The following FOXN2 variants were observed in gnomAD, a reference collection of about 807,000 sequenced individuals.
FOXN2 encodes forkhead box protein N2.
In FOXN2, 19 loss-of-function variants were observed where a neutral mutation model predicts 41.2. The observed-to-expected ratio is 0.46, with a 90% CI of 0.32 to 0.68. The LOEUF is 0.68. Ranked by LOEUF, FOXN2 falls within the 30% of genes least tolerant of loss-of-function variation. FOXN2 has a pLI of 0.03. For synonymous variants in FOXN2, 195 were observed against 176.8 expected (o/e 1.10, Z -0.82); for missense variants, 587 against 509.4 (o/e 1.15, Z -1.47).
chr2:48,331,605 C>T (rs1414676170), intron 2 of FOXN2, among the ~76,000 whole-genome samples: 1 of 152,018 alleles, frequency 6.6e-6, no homozygotes, highest in African/African-American at 2.4e-5. Flanking sequence ...ATCACTTGAG[C>T]CCAGGAGTTT....
intron 2 of FOXN2, among the ~76,000 whole-genome samples, chr2:48,344,539 A>G (rs899338458): frequency 1.3e-5 from 2 of 152,230 alleles, no homozygotes; most frequent in Admixed American, 1.3e-4. Flanking sequence ...ATAAAGTTGA[A>G]TTAATAATAG....
intron 1 of FOXN2, among the ~76,000 whole-genome samples, chr2:48,315,056 TG>T: frequency 6.6e-6 from 1 of 151,750 alleles, no homozygotes; most frequent in South Asian, 2.1e-4. Context: ...GAGGGGAGTG[TG>T]GCTTGTGAGG....
intron 2 of FOXN2, among the ~76,000 whole-genome samples, chr2:48,333,514 AG>A (rs1670143264): frequency 6.6e-6 from 1 of 152,160 alleles, no homozygotes. Context: ...GACAAAAAAG[AG>A]ACTTACAAGT....
In FOXN2 at chr2:48,336,216, C is replaced by T. The variant is rs543859330; in HGVS notation, c.-15+7514C>T. 6.3e-3 allele frequency among the ~76,000 whole-genome samples: 947 copies of T among 151,348 alleles called. 6 individuals are homozygous for T. Among genetic ancestry groups the T allele is most frequent in the Non-Finnish European group, 0.011 (714 of 67,902 alleles). On this transcript the variant is annotated intron_variant, in intron 2 of 6. Coordinates refer to ENST00000340553, the MANE Select transcript of FOXN2 (RefSeq NM_002158.4). The stretch of plus-strand genomic sequence containing the variant: ...GTCAGGAGTTCAAGACCAGCCTGGC[C>T]AACATGGTGAAACCCAGTGTCTACC...
intron 1 of FOXN2, among the ~76,000 whole-genome samples, 194 bp downstream of exon 1, chr2:48,315,008 G>A (rs1419608136): frequency 6.6e-6 from 1 of 152,132 alleles, no homozygotes; most frequent in African/African-American, 2.4e-5. Flanking sequence ...CCCGGCGCGC[G>A]TATCGGGTGG....
intron 3 of FOXN2, among the ~76,000 whole-genome samples, chr2:48,357,862 G>GAAAAAA (rs200738115): frequency 8.8e-6 from 1 of 113,702 alleles, no homozygotes; most frequent in South Asian, 2.8e-4. Flanking sequence ...GTCTTTTATT[G>GAAAAAA]AAAAAAAAAA....
At chr2:48,350,531 CTTTG>C (rs1001431678) in intron 3 of FOXN2, among the ~76,000 whole-genome samples, 26 of 152,270 alleles carry the variant, frequency 1.7e-4, no homozygotes, top group African/African-American at 6.0e-4. Context: ...ACAGCTTTTG[CTTTG>C]TTTTAGAGAA....
At chr2:48,360,037 G>GTTTTTAT (rs966048688) in intron 4 of FOXN2, among the ~76,000 whole-genome samples, 5 of 151,740 alleles carry the variant, frequency 3.3e-5, no homozygotes, top group African/African-American at 1.2e-4. Flanking sequence ...TTTGAACTTT[G>GTTTTTAT]TTTTTATTTT....
At chr2:48,322,319 C>G (rs957193165) in intron 1 of FOXN2, among the ~76,000 whole-genome samples, 4 of 151,732 alleles carry the variant, frequency 2.6e-5, no homozygotes, top group Non-Finnish European at 5.9e-5. Context: ...TAAAGTGAAA[C>G]AAATGCAGAA....
At chr2:48,329,540 C>T (rs1356504193) in intron 2 of FOXN2, among the ~76,000 whole-genome samples, 1 of 152,076 alleles carries the variant, frequency 6.6e-6, no homozygotes, top group Non-Finnish European at 1.5e-5. Context: ...TGCAGCTGCA[C>T]ACATTTTTTG....
intron 1 of FOXN2, among the ~76,000 whole-genome samples, chr2:48,326,298 A>G (rs1669669822): frequency 6.6e-6 from 1 of 152,190 alleles, no homozygotes; most frequent in Non-Finnish European, 1.5e-5. Context: ...GATATCCGAA[A>G]TGGAGAGAAC....
Position 48,378,970 on chromosome 2 carries a change from T to C in FOXN2, c.*3527T>C, listed in dbSNP as rs569460842. The C allele has an allele frequency of 6.5e-6, 1 of 152,748 alleles. No individual in the cohort carries two copies. Among genetic ancestry groups the C allele is most frequent in the South Asian group, 2.1e-4 (1 of 4,830 alleles). 9.5% of individuals were successfully genotyped at this position (152,748 alleles called of 1,614,324 possible). Reference sequence around the variant, plus strand: ...GTGTATAAAAATGTATAATTGCCAATTGATTGTAACTATTATTTATTTTTA... The same window carrying C: ...GTGTATAAAAATGTATAATTGCCAACTGATTGTAACTATTATTTATTTTTA... On this transcript the variant is annotated 3_prime_UTR_variant, in exon 7 of 7. Transcript: ENST00000340553.
At chr2:48,372,041 C>G in intron 5 of FOXN2, among the ~76,000 whole-genome samples, 1 of 152,156 alleles carries the variant, frequency 6.6e-6, no homozygotes, top group Admixed American at 6.6e-5. Flanking sequence ...TACCTAATTG[C>G]TCTGGCTAGG....
At chr2:48,347,287 C>T (rs1165568976) in intron 3 of FOXN2, among the ~76,000 whole-genome samples, 5 of 132,998 alleles carry the variant, frequency 3.8e-5, no homozygotes, top group Non-Finnish European at 4.6e-5. Context: ...AGTACAGTGG[C>T]GCGATCTCTG....
chr2:48,332,356 G>T (rs1048213460), intron 2 of FOXN2, among the ~76,000 whole-genome samples: 1 of 152,126 alleles, frequency 6.6e-6, no homozygotes, highest in Non-Finnish European at 1.5e-5. Context: ...AGTACTTTTG[G>T]ATTAAACTAC....
At chr2:48,374,870 T>A in intron 6 of FOXN2, 50 bp from the exon 7 acceptor site, 2 of 1,516,796 alleles carry the variant, frequency 1.3e-6, no homozygotes, top group Non-Finnish European at 1.8e-6. Flanking sequence ...TTGGTCTGTT[T>A]TTGCAACCAA....
At chr2:48,338,465 G>A (rs1209136996) in intron 2 of FOXN2, among the ~76,000 whole-genome samples, 5 of 151,604 alleles carry the variant, frequency 3.3e-5, no homozygotes, top group African/African-American at 1.2e-4. Flanking sequence ...GCAGTGGCGC[G>A]ATCTCAGCTC....
chr2:48,348,900 A>G (rs1355204596), intron 3 of FOXN2, among the ~76,000 whole-genome samples: 1 of 152,176 alleles, frequency 6.6e-6, no homozygotes, highest in Non-Finnish European at 1.5e-5. Flanking sequence ...CTACAGCACT[A>G]GATTGCTATT....
Position 48,373,343 on chromosome 2 carries a change from A to G in FOXN2, c.755A>G (p.Glu252Gly), listed in dbSNP as rs1300676640. Reference sequence around the variant, plus strand: ...ATGATGCTTTTAAATACTTCTATAGAACAAGGAATTTTAGAATGTAAGTAA... The same window carrying G: ...ATGATGCTTTTAAATACTTCTATAGGACAAGGAATTTTAGAATGTAAGTAA... ...AAMMLLNTSI[E>G]QGILECEKPL... Residue 252 changes from glutamate to glycine, a missense_variant, in exon 6 of 7, where the codon GAA (glutamate) becomes GGA (glycine). Transcript: ENST00000340553. The G allele has an allele frequency of 6.3e-7, 1 of 1,581,088 alleles. No homozygotes were observed. The highest frequency in any genetic ancestry group is 8.6e-7 in the Non-Finnish European group (1 of 1,167,390).
Sources: allele counts gnomAD v4.1 joint callset (sites outside exome capture counted in the v4.1 genomes callset), GRCh38; gene constraint gnomAD v4.1.1; transcripts MANE v1.5; gene names NCBI Gene and HGNC (gene_info 2026-07-23, HGNC 2026-07-21).